Variants in KANK1 observed in about 807,000 individuals in gnomAD.
KANK1 encodes KN motif and ankyrin repeat domains 1.
KANK1 carries 109 observed loss-of-function variants against 106.2 expected under a neutral mutation model. The observed-to-expected ratio is 1.03, with a 90% CI of 0.88 to 1.20. The LOEUF (loss-of-function observed/expected upper bound fraction) is 1.20. KANK1 is among the 50% of genes most tolerant of loss of function. The pLI is 0.00. For missense variants in KANK1, 2,399 were observed against 1,710.7 expected (o/e 1.40, Z -7.10); for synonymous variants, 873 against 652.2 (o/e 1.34, Z -5.16).
At chr9:655,022 C>G (rs1029323995) in intron 1 of KANK1, among the ~76,000 whole-genome samples, 1 of 152,010 alleles carries the variant, frequency 6.6e-6, no homozygotes, top group Non-Finnish European at 1.5e-5. Flanking sequence ...CTGCTCAGGT[C>G]TCACCCCCAG....
intron 1 of KANK1, among the ~76,000 whole-genome samples, chr9:524,592 A>G (rs1003042352): frequency 2.6e-5 from 4 of 151,588 alleles, no homozygotes; most frequent in East Asian, 1.9e-4. Context: ...ATCTCAGCTC[A>G]CTGCAACCTC....
intron 1 of KANK1, among the ~76,000 whole-genome samples, chr9:616,765 G>T (rs943301888): frequency 6.6e-6 from 1 of 152,168 alleles, no homozygotes; most frequent in African/African-American, 2.4e-5. Flanking sequence ...ACCTCAACCT[G>T]TGATGGAGCA....
At chr9:550,199 A>G (rs558459987) in intron 1 of KANK1, among the ~76,000 whole-genome samples, 14 of 152,090 alleles carry the variant, frequency 9.2e-5, no homozygotes, top group African/African-American at 1.9e-4. Context: ...CCCCACCCCA[A>G]CCGCCTCCCC....
intron 1 of KANK1, among the ~76,000 whole-genome samples, chr9:506,131 A>C (rs1432112123): frequency 1.3e-5 from 2 of 152,180 alleles, no homozygotes; most frequent in African/African-American, 2.4e-5. Context: ...CGTTGCCCCC[A>C]AAAAGAACCC....
chr9:746,053 A>C lies in KANK1; in HGVS notation c.*818A>C, dbSNP rs1253562654. On this transcript the variant is annotated 3_prime_UTR_variant, in exon 12 of 12. Transcript: ENST00000382297. Reference sequence around the variant, plus strand: ...GGTCCTCTATGTATTTAAATGTTTGAAGTGCCTTAGACTCTTGCCATATTT... The same window carrying C: ...GGTCCTCTATGTATTTAAATGTTTGCAGTGCCTTAGACTCTTGCCATATTT... The C allele has an allele frequency of 1.3e-5, 2 of 152,612 alleles. No homozygotes were observed. The highest frequency in any genetic ancestry group is 2.9e-5 in the Non-Finnish European group (2 of 68,036). The allele number at this position is 152,612 out of a possible 1,614,324, so 9.5% of individuals were successfully genotyped here.
At chr9:620,753 T>G (rs940124283) in intron 1 of KANK1, among the ~76,000 whole-genome samples, 6 of 152,184 alleles carry the variant, frequency 3.9e-5, no homozygotes, top group African/African-American at 1.2e-4. Context: ...AAACCAATTT[T>G]AAAAACCAAT....
Position 734,852 on chromosome 9 carries a change from A to C in KANK1, c.3333+17A>C, listed in dbSNP as rs1224325019. The C allele has an allele frequency of 3.2e-6, 5 of 1,580,556 alleles. No individual in the cohort carries two copies. The South Asian group carries it at 5.5e-5, about 18-fold the overall frequency. On this transcript the variant is annotated intron_variant, in intron 7 of 11. Coordinates refer to ENST00000382297, the MANE Select transcript of KANK1 (RefSeq NM_015158.5). ...AAAGATATGGTGAGTCTGACCTGCA[A>C]ACACCATCCCCAGTGTGTACAAAGT...
In KANK1 at chr9:526,610, T is replaced by A. The variant is rs911583138; in HGVS notation, c.-84+21856T>A. 6.6e-5 allele frequency among the ~76,000 whole-genome samples: 10 copies of A among 151,938 alleles called. No homozygotes were observed. In the East Asian group the frequency reaches 1.9e-3, roughly 29 times the overall value. ...AATTTAGCAATGTTTTATGTACGTG[T>A]CTTCTCATACTTCAAAAAGTCAAGT... On this transcript the variant is annotated intron_variant, in intron 1 of 11. Coordinates refer to ENST00000382297, the MANE Select transcript of KANK1 (RefSeq NM_015158.5).
At chr9:681,425 A>G (rs1422392640) in intron 2 of KANK1, among the ~76,000 whole-genome samples, 1 of 152,086 alleles carries the variant, frequency 6.6e-6, no homozygotes, top group Non-Finnish European at 1.5e-5. Context: ...AAGTTTCTGA[A>G]TCATGTTGTA....
intron 3 of KANK1, among the ~76,000 whole-genome samples, chr9:717,304 A>G (rs1474669361): frequency 6.6e-6 from 1 of 152,138 alleles, no homozygotes; most frequent in Non-Finnish European, 1.5e-5. Context: ...GAAAAAGGAA[A>G]AAGAAATTAA....
At chr9:556,105 G>A (rs1337447012) in intron 1 of KANK1, among the ~76,000 whole-genome samples, 4 of 151,958 alleles carry the variant, frequency 2.6e-5, no homozygotes, top group African/African-American at 9.7e-5. Context: ...CTCTACCTTG[G>A]GGGGAAAATA....
intron 2 of KANK1, among the ~76,000 whole-genome samples, chr9:688,837 C>G (rs924449988): frequency 2.0e-5 from 3 of 152,084 alleles, no homozygotes; most frequent in Admixed American, 6.6e-5. Flanking sequence ...CAGGCTTATT[C>G]TCTGGTGCAG....
At chr9:525,930 T>G (rs1399991141) in intron 1 of KANK1, among the ~76,000 whole-genome samples, 1 of 151,756 alleles carries the variant, frequency 6.6e-6, no homozygotes, top group African/African-American at 2.4e-5. Context: ...TTCTAAAATT[T>G]CTAAAATAAA....
At chr9:525,098 C>T (rs1360603234) in intron 1 of KANK1, among the ~76,000 whole-genome samples, 2 of 149,854 alleles carry the variant, frequency 1.3e-5, no homozygotes, top group Non-Finnish European at 3.0e-5. Context: ...GGGTTCAAGC[C>T]ATTCTCCTGC....
chr9:506,784 G>A (rs1236131426), intron 1 of KANK1, among the ~76,000 whole-genome samples: 1 of 152,118 alleles, frequency 6.6e-6, no homozygotes, highest in African/African-American at 2.4e-5. Flanking sequence ...GAGGAGGATG[G>A]AAAAGGATCT....
intron 1 of KANK1, among the ~76,000 whole-genome samples, chr9:593,219 T>A (rs1034319036): frequency 1.1e-4 from 16 of 151,872 alleles, no homozygotes; most frequent in Non-Finnish European, 2.9e-5. Context: ...AGTTTTTGGT[T>A]TGGAAAATAT....
Position 604,580 on chromosome 9 carries a change from C to T in KANK1, c.-83-72310C>T, listed in dbSNP as rs112721962. Reference sequence around the variant, plus strand: ...GGTGCAGTGGCTCACACCTGTAATCCCAGCACTTTGAGAGACCAACGCGGG... The same window carrying T: ...GGTGCAGTGGCTCACACCTGTAATCTCAGCACTTTGAGAGACCAACGCGGG... On this transcript the variant is annotated intron_variant, in intron 1 of 11. Coordinates refer to ENST00000382297, the MANE Select transcript of KANK1 (RefSeq NM_015158.5). Among the ~76,000 whole-genome samples the T allele has an allele frequency of 1.6e-3, 239 of 151,634 alleles. 10 individuals carry two copies. The highest frequency in any genetic ancestry group is 5.4e-3 in the African/African-American group (223 of 41,150).
intron 2 of KANK1, among the ~76,000 whole-genome samples, chr9:696,283 C>CAAA (rs752946063): frequency 8.1e-5 from 7 of 86,152 alleles, no homozygotes; most frequent in Admixed American, 2.6e-4. Flanking sequence ...GACTCCGTCT[C>CAAA]AAAAAAAAAA....
intron 1 of KANK1, among the ~76,000 whole-genome samples, chr9:636,859 G>T (rs767330958): frequency 1.3e-5 from 2 of 152,186 alleles, no homozygotes; most frequent in African/African-American, 4.8e-5. Flanking sequence ...GCGAGACTCC[G>T]TCTCAAAATA....
Sources: allele counts gnomAD v4.1 joint callset (sites outside exome capture counted in the v4.1 genomes callset), GRCh38; gene constraint gnomAD v4.1.1; transcripts MANE v1.5; gene names NCBI Gene and HGNC (gene_info 2026-07-23, HGNC 2026-07-21).